DCDC2: variants seen among roughly 807,000 people sequenced by gnomAD.
DCDC2 encodes the protein doublecortin domain-containing protein 2.
A neutral mutation model predicts 50.2 loss-of-function variants in DCDC2; 40 were observed. The observed-to-expected ratio is 0.80, with a 90% CI of 0.62 to 1.04. DCDC2 has a LOEUF of 1.04. Among genes scored for constraint, DCDC2 ranks in the 50% least tolerant of loss-of-function variants. The pLI, the probability that DCDC2 is intolerant of heterozygous loss-of-function variation, is 0.00. For missense variants in DCDC2, 570 were observed against 581.9 expected (o/e 0.98, Z 0.21); for synonymous variants, 234 against 210.6 (o/e 1.11, Z -0.96).
intron 7 of DCDC2, among the ~76,000 whole-genome samples, chr6:24,233,266 T>C (rs1762375388): frequency 6.6e-6 from 1 of 152,226 alleles, no homozygotes; most frequent in South Asian, 2.1e-4. Flanking sequence ...TGGACTTTTG[T>C]CTGATTACAA....
At chr6:24,250,047 G>A (rs1762765405) in intron 7 of DCDC2, among the ~76,000 whole-genome samples, 2 of 152,156 alleles carry the variant, frequency 1.3e-5, no homozygotes, top group African/African-American at 4.8e-5. Context: ...TGCAATTTGA[G>A]AGGTTTAATT....
At chr6:24,277,373 T>C (rs972011502) in intron 7 of DCDC2, among the ~76,000 whole-genome samples, 4 of 152,114 alleles carry the variant, frequency 2.6e-5, no homozygotes, top group Admixed American at 2.0e-4. Context: ...GTCACTCCAC[T>C]CTGAGAACAC....
chr6:24,259,878 T>C (rs62400399), intron 7 of DCDC2, among the ~76,000 whole-genome samples: 7,108 of 152,276 alleles, frequency 0.047, 178 homozygotes, highest in African/African-American at 0.063. Flanking sequence ...GTAAGTTTCA[T>C]GAGAAGAAAA....
At chr6:24,353,208 A>C (rs10498720) in intron 2 of DCDC2, 27,647 of 449,126 alleles carry the variant, frequency 0.062, 1,684 homozygotes, top group East Asian at 0.2. Context: ...CTGAGTTATC[A>C]GAGGCACATT....
intron 8 of DCDC2, among the ~76,000 whole-genome samples, chr6:24,203,110 T>A (rs1761624472): frequency 6.6e-6 from 1 of 152,188 alleles, no homozygotes; most frequent in Non-Finnish European, 1.5e-5. Flanking sequence ...ACCATTGACT[T>A]TCTTCACAAA....
At chr6:24,249,195 C>A (rs1762747043) in intron 7 of DCDC2, among the ~76,000 whole-genome samples, 1 of 152,088 alleles carries the variant, frequency 6.6e-6, no homozygotes, top group Non-Finnish European at 1.5e-5. Context: ...CTTTATAATT[C>A]TATTTTAAAA....
chr6:24,255,256 T>G (rs373576460), intron 7 of DCDC2, among the ~76,000 whole-genome samples: 1 of 151,924 alleles, frequency 6.6e-6, no homozygotes, highest in East Asian at 1.9e-4. Context: ...CAACTAGATA[T>G]TCACATGGAG....
In DCDC2 at chr6:24,173,601, G is replaced by A. The variant is rs1394688812; in HGVS notation, c.*1129C>T. On this transcript the variant is annotated 3_prime_UTR_variant, in exon 10 of 10. Coordinates refer to ENST00000378454, the MANE Select transcript of DCDC2 (RefSeq NM_016356.5). Reference sequence around the variant, plus strand: ...ATCAATTTAGTCAGTCCATGAAGTTGTGATTCAGGAATTGGTTTCATTATA... The same window carrying A: ...ATCAATTTAGTCAGTCCATGAAGTTATGATTCAGGAATTGGTTTCATTATA... The A allele has an allele frequency of 1.3e-5, 2 of 152,146 alleles. No individual in the cohort carries two copies. The highest frequency in any genetic ancestry group is 4.8e-5 in the African/African-American group (2 of 41,430). 9.4% of individuals were successfully genotyped at this position (152,146 alleles called of 1,614,324 possible). A position where few individuals can be genotyped will look rare whatever the true frequency, so the allele number is the denominator to read the frequency against.
chr6:24,172,574 T>C lies in DCDC2; in HGVS notation c.*2156A>G, dbSNP rs539180371. On this transcript the variant is annotated 3_prime_UTR_variant, in exon 10 of 10. Coordinates refer to ENST00000378454, the MANE Select transcript of DCDC2 (RefSeq NM_016356.5). ...GGAAAAGAGAAAGAGAAACTCTCCA[T>C]TGAAGAAACAAAAGAGAATCACCTT... The C allele has an allele frequency of 6.6e-6, 1 of 152,280 alleles. No homozygotes were observed. The highest frequency in any genetic ancestry group is 1.9e-4 in the East Asian group (1 of 5,182). The allele number at this position is 152,280 out of a possible 1,614,324, so 9.4% of individuals were successfully genotyped here. A position where few individuals can be genotyped will look rare whatever the true frequency, so the allele number is the denominator to read the frequency against.
intron 7 of DCDC2, among the ~76,000 whole-genome samples, chr6:24,237,610 A>G (rs948929974): frequency 2.6e-5 from 4 of 152,204 alleles, no homozygotes; most frequent in Admixed American, 1.3e-4. Context: ...TCGAAATGAC[A>G]TATGTACTTG....
At chr6:24,325,555 T>A (rs946884625) in intron 2 of DCDC2, among the ~76,000 whole-genome samples, 22 of 149,556 alleles carry the variant, frequency 1.5e-4, no homozygotes, top group Non-Finnish European at 2.8e-4. Flanking sequence ...GAATCAAAGA[T>A]TTCAGTCACA....
chr6:24,179,418 C>A (rs1413476983), intron 8 of DCDC2, among the ~76,000 whole-genome samples: 1 of 149,832 alleles, frequency 6.7e-6, no homozygotes, highest in South Asian at 2.1e-4. Flanking sequence ...CATGGTGGTG[C>A]ACACCTGTAG....
intron 9 of DCDC2, 96 bp downstream of exon 9, chr6:24,178,234 A>C: frequency 7.8e-7 from 1 of 1,282,016 alleles, no homozygotes; most frequent in Non-Finnish European, 1.1e-6. Context: ...TGGTTTCAAT[A>C]CAAGTCCTAA....
In DCDC2 at chr6:24,172,520, G is replaced by T. The variant is rs566932974; in HGVS notation, c.*2210C>A. Reference sequence around the variant, plus strand: ...TCATAATATAATGAATAAAAGGACAGGAAAAAAAGAAATATTTTTATTAGA... The same window carrying T: ...TCATAATATAATGAATAAAAGGACATGAAAAAAAGAAATATTTTTATTAGA... On this transcript the variant is annotated 3_prime_UTR_variant, in exon 10 of 10. Coordinates refer to ENST00000378454, the MANE Select transcript of DCDC2 (RefSeq NM_016356.5). The T allele has an allele frequency of 5.3e-5, 8 of 151,730 alleles. No homozygotes were observed. The South Asian group carries it at 1.7e-3, about 32-fold the overall frequency. 9.4% of individuals were successfully genotyped at this position (151,730 alleles called of 1,614,324 possible).
At chr6:24,314,813 C>T (rs1160276977) in intron 2 of DCDC2, among the ~76,000 whole-genome samples, 4 of 152,034 alleles carry the variant, frequency 2.6e-5, no homozygotes, top group African/African-American at 9.7e-5. Flanking sequence ...GAAACCCTTC[C>T]TAACAGGGTC....
intron 2 of DCDC2, among the ~76,000 whole-genome samples, chr6:24,319,245 T>C (rs781234347): frequency 2.0e-5 from 3 of 151,884 alleles, no homozygotes; most frequent in Non-Finnish European, 4.4e-5. Flanking sequence ...GAAAAATGAC[T>C]ATGCATGAAT....
intron 7 of DCDC2, among the ~76,000 whole-genome samples, chr6:24,247,192 G>C (rs958615965): frequency 6.6e-6 from 1 of 152,150 alleles, no homozygotes; most frequent in Non-Finnish European, 1.5e-5. Flanking sequence ...TTGAGCCCAG[G>C]AGTTTGAGGC....
chr6:24,366,021 T>A, the DCDC2 span, among the ~76,000 whole-genome samples: 3 of 152,078 alleles, frequency 2.0e-5, no homozygotes, highest in Non-Finnish European at 4.4e-5. Flanking sequence ...TTTCACCATG[T>A]TGGCCAGGCT....
Position 24,174,582 on chromosome 6 carries a change from C to A in DCDC2, c.*148G>T. ...TAGTAGCCATTTAAAGTTATCTGGTCTTTCCACTAGGCTTCTAATGTTATA... is the reference window on the plus strand; with the variant it reads ...TAGTAGCCATTTAAAGTTATCTGGTATTTCCACTAGGCTTCTAATGTTATA... On this transcript the variant is annotated 3_prime_UTR_variant, in exon 10 of 10. Coordinates refer to ENST00000378454, the MANE Select transcript of DCDC2 (RefSeq NM_016356.5). 2.0e-6 allele frequency: 1 copy of A among 492,134 alleles called. No homozygotes were observed. Among genetic ancestry groups the A allele is most frequent in the South Asian group, 4.7e-5 (1 of 21,128 alleles). 30.5% of individuals were successfully genotyped at this position (492,134 alleles called of 1,614,324 possible). A position where few individuals can be genotyped will look rare whatever the true frequency, so the allele number is the denominator to read the frequency against.
Sources: allele counts gnomAD v4.1 joint callset (sites outside exome capture counted in the v4.1 genomes callset), GRCh38; gene constraint gnomAD v4.1.1; transcripts MANE v1.5; gene names NCBI Gene and HGNC (gene_info 2026-07-23, HGNC 2026-07-21).